GLI3: variants seen among roughly 807,000 people sequenced by gnomAD.
GLI3 encodes GLI family zinc finger 3, also known as transcription activator GLI3.
Under a neutral mutation model 100.8 loss-of-function variants are expected in GLI3, and 20 were observed. The observed-to-expected ratio is 0.20, with a 90% CI of 0.14 to 0.29. The LOEUF is 0.29. Ranked by LOEUF, GLI3 falls within the 10% of genes least tolerant of loss-of-function variation. GLI3 has a pLI of 1.00. For missense variants in GLI3, 2,040 were observed against 2,128.5 expected, an observed-to-expected ratio of 0.96 and a Z score of 0.82; for synonymous variants, 938 against 860.5, an observed-to-expected ratio of 1.09 and a Z score of -1.58.
At chr7:42,138,957 C>T (rs1562752624) in intron 3 of GLI3, among the ~76,000 whole-genome samples, 1 of 152,216 alleles carries the variant, frequency 6.6e-6, no homozygotes, top group African/African-American at 2.4e-5. Flanking sequence ...TCCCCTGAGA[C>T]TCTTTCAGTC....
chr7:42,214,466 A>G (rs1391611763), intron 2 of GLI3, among the ~76,000 whole-genome samples: 2 of 152,108 alleles, frequency 1.3e-5, no homozygotes, highest in Non-Finnish European at 2.9e-5. Context: ...AAAGAAAAAA[A>G]AAAGAGACAG....
intron 1 of GLI3, among the ~76,000 whole-genome samples, chr7:42,257,098 C>G (rs888561238): frequency 6.6e-6 from 1 of 151,818 alleles, no homozygotes; most frequent in African/African-American, 2.4e-5. Flanking sequence ...GTAGAAATAC[C>G]ATTGATTTTG....
At chr7:42,023,201 C>T (rs2128730621) in intron 10 of GLI3, among the ~76,000 whole-genome samples, 1 of 152,326 alleles carries the variant, frequency 6.6e-6, no homozygotes, top group South Asian at 2.1e-4. Flanking sequence ...AAGTCGCTAA[C>T]TCAAAATAGT....
chr7:41,973,711 T>C (rs2128710515), intron 12 of GLI3, among the ~76,000 whole-genome samples: 2 of 152,328 alleles, frequency 1.3e-5, no homozygotes, highest in East Asian at 3.9e-4. Flanking sequence ...TGCCGTGTCT[T>C]GTAGAATGTA....
At chr7:42,152,935 C>G (rs1786909359) in intron 2 of GLI3, among the ~76,000 whole-genome samples, 1 of 152,204 alleles carries the variant, frequency 6.6e-6, no homozygotes, top group African/African-American at 2.4e-5. Context: ...TCACCTCTCT[C>G]CAACCAGCTA....
chr7:41,967,501 G>T, intron 14 of GLI3, 95 bp downstream of exon 14: 1 of 865,308 alleles, frequency 1.2e-6, no homozygotes, highest in Non-Finnish European at 1.9e-6. Context: ...TTTTAGGACT[G>T]GTGGAGAAAC....
intron 3 of GLI3, among the ~76,000 whole-genome samples, chr7:42,131,023 C>T (rs547528911): frequency 6.6e-6 from 1 of 152,218 alleles, no homozygotes; most frequent in South Asian, 2.1e-4. Flanking sequence ...TCTAACTACA[C>T]CATCAGGAAA....
At chr7:42,183,484 C>T (rs1787658210) in intron 2 of GLI3, among the ~76,000 whole-genome samples, 1 of 152,040 alleles carries the variant, frequency 6.6e-6, no homozygotes, top group Non-Finnish European at 1.5e-5. Context: ...AGCAAGGGCC[C>T]AGGACAATCA....
At position 42,093,785 on chromosome 7, in the gene GLI3, A is replaced by G. The variant is rs145890395; in HGVS notation, c.368-16928T>C. ...ATTAATGGGGAATCTTAAGAGCTAG[A>G]GAACACTCCTGTATGGGAGCTTTCA... On this transcript the variant is annotated intron_variant, in intron 3 of 14. Transcript: ENST00000395925. Among the ~76,000 whole-genome samples the G allele has an allele frequency of 1.4e-3, 219 of 152,294 alleles. 1 individual carries two copies. The highest frequency in any genetic ancestry group is 5.0e-3 in the African/African-American group (208 of 41,558).
At chr7:42,207,164 G>A (rs1788172758) in intron 2 of GLI3, among the ~76,000 whole-genome samples, 1 of 152,170 alleles carries the variant, frequency 6.6e-6, no homozygotes, top group African/African-American at 2.4e-5. Flanking sequence ...TCCACTCCTA[G>A]GTTTATGCCC....
chr7:42,196,352 G>A (rs943157758), intron 2 of GLI3, among the ~76,000 whole-genome samples: 1 of 152,160 alleles, frequency 6.6e-6, no homozygotes. Context: ...TGTTAAATAA[G>A]AGCTGCAGAA....
At chr7:42,185,309 G>A (rs755600178) in intron 2 of GLI3, among the ~76,000 whole-genome samples, 2 of 152,168 alleles carry the variant, frequency 1.3e-5, no homozygotes, top group Non-Finnish European at 2.9e-5. Context: ...ATGGGAAGAG[G>A]TCCAGGGACC....
chr7:42,000,948 GA>G lies in GLI3; in HGVS notation c.1498-22201del, dbSNP rs199955750. Among the ~76,000 whole-genome samples, 506 of 150,888 alleles carry G rather than the reference GA, an allele frequency of 3.4e-3. 5 individuals are homozygous for G. Among genetic ancestry groups the G allele is most frequent in the African/African-American group, 0.012 (477 of 41,212 alleles). On this transcript the variant is annotated intron_variant, in intron 10 of 14. Coordinates refer to ENST00000395925, the MANE Select transcript of GLI3 (RefSeq NM_000168.6). ...ATTTGGCACCATTAAAACATTTTAA[GA>G]AAAAAAAAGGAGGAGGGCCGGGAGC...
chr7:42,178,966 AT>A (rs1038402333), intron 2 of GLI3, among the ~76,000 whole-genome samples: 4 of 152,092 alleles, frequency 2.6e-5, no homozygotes, highest in African/African-American at 4.8e-5. Flanking sequence ...CAAGGCAAAA[AT>A]GTTCCTGGTG....
At chr7:42,124,137 A>G (rs1786069615) in intron 3 of GLI3, among the ~76,000 whole-genome samples, 1 of 152,166 alleles carries the variant, frequency 6.6e-6, no homozygotes. Flanking sequence ...AGACCATCTC[A>G]AAAGGTGATT....
chr7:42,060,531 C>A (rs1210796068), intron 4 of GLI3, among the ~76,000 whole-genome samples: 1 of 152,002 alleles, frequency 6.6e-6, no homozygotes, highest in Non-Finnish European at 1.5e-5. Context: ...AAACTTTTGT[C>A]TTTAGAGATA....
At chr7:42,062,943 G>A (rs557811106) in intron 4 of GLI3, among the ~76,000 whole-genome samples, 2 of 152,142 alleles carry the variant, frequency 1.3e-5, no homozygotes, top group African/African-American at 2.4e-5. Context: ...TGATAAAATC[G>A]CTAAACTGTA....
At chr7:42,234,855 T>C (rs996386297) in intron 1 of GLI3, among the ~76,000 whole-genome samples, 3 of 152,230 alleles carry the variant, frequency 2.0e-5, no homozygotes. Context: ...TAGTATAAAA[T>C]AAACTCTCTA....
chr7:42,219,509 TA>T (rs1303876865), intron 2 of GLI3, among the ~76,000 whole-genome samples: 1 of 152,202 alleles, frequency 6.6e-6, no homozygotes, highest in African/African-American at 2.4e-5. Context: ...AATGCTTCTT[TA>T]AAAAGCTGTT....
Sources: allele counts gnomAD v4.1 joint callset (sites outside exome capture counted in the v4.1 genomes callset), GRCh38; gene constraint gnomAD v4.1.1; transcripts MANE v1.5; gene names NCBI Gene and HGNC (gene_info 2026-07-23, HGNC 2026-07-21).